LAMA4: variants seen among roughly 807,000 people sequenced by gnomAD.
LAMA4 encodes the protein laminin subunit alpha-4.
A neutral mutation model predicts 207.1 loss-of-function variants in LAMA4; 127 were observed. The observed-to-expected ratio is 0.61, with a 90% CI of 0.53 to 0.71. The LOEUF (loss-of-function observed/expected upper bound fraction) is 0.71. Among genes scored for constraint, LAMA4 ranks in the 30% least tolerant of loss-of-function variants. The probability of loss-of-function intolerance (pLI) is 0.00; values close to 1 mark genes in which losing one functional copy is unlikely to be tolerated. For missense variants in LAMA4, 2,093 were observed against 2,246.5 expected (o/e 0.93, Z 1.38); for synonymous variants, 761 against 816.0 (o/e 0.93, Z 1.15).
At position 112,117,243 on chromosome 6, in the gene LAMA4, T is replaced by C. The variant is rs1160798; in HGVS notation, c.4981+496A>G. 0.78 allele frequency among the ~76,000 whole-genome samples: 118,385 copies of C among 152,076 alleles called. 46,543 individuals carry two copies. The highest frequency in any genetic ancestry group is 0.86 in the East Asian group (4,478 of 5,180). ...ATCATCTGGCATAGGGACTGCCTTATGGGAGGCATACAATAAAAACTGAAT... is the reference window on the plus strand; with the variant it reads ...ATCATCTGGCATAGGGACTGCCTTACGGGAGGCATACAATAAAAACTGAAT... On this transcript the variant is annotated intron_variant, in intron 35 of 38. Transcript: ENST00000230538. The surrounding 1 kb of genome is among the most constrained non-coding windows in gnomAD (Gnocchi z 4.5).
intron 4 of LAMA4, among the ~76,000 whole-genome samples, chr6:112,206,719 A>G (rs1784078908): frequency 6.6e-6 from 1 of 152,226 alleles, no homozygotes; most frequent in Non-Finnish European, 1.5e-5. Context: ...GCTCTAGGTC[A>G]AGAGAAAGTC....
intron 23 of LAMA4, 76 bp from the exon 24 acceptor site, chr6:112,139,367 T>C: frequency 6.8e-7 from 1 of 1,471,120 alleles, no homozygotes; most frequent in South Asian, 1.1e-5. Context: ...TTTTAACCCA[T>C]TCTTCTAACA....
At chr6:112,125,660 TG>T (rs1310804975) in intron 31 of LAMA4, among the ~76,000 whole-genome samples, 24 of 152,342 alleles carry the variant, frequency 1.6e-4, no homozygotes, top group East Asian at 5.8e-4. Context: ...GTTACCTTTT[TG>T]GAAAGCAATT....
chr6:112,163,467 C>G (rs1354896861), intron 13 of LAMA4, among the ~76,000 whole-genome samples: 2 of 152,082 alleles, frequency 1.3e-5, no homozygotes, highest in African/African-American at 4.8e-5. Context: ...AAACCGCTAG[C>G]CAGGGTAGAG....
chr6:112,211,292 A>G (rs1469425008), intron 3 of LAMA4, among the ~76,000 whole-genome samples: 1 of 152,228 alleles, frequency 6.6e-6, no homozygotes. Context: ...AGTTTCTAGC[A>G]TAAGACAGTA....
At chr6:112,111,067 G>C (rs1289554508) in intron 38 of LAMA4, among the ~76,000 whole-genome samples, 3 of 152,120 alleles carry the variant, frequency 2.0e-5, no homozygotes, top group African/African-American at 7.2e-5. Context: ...TTGAGACAGA[G>C]TCTCACTTTG....
chr6:112,222,745 G>A (rs1198410561), intron 2 of LAMA4, among the ~76,000 whole-genome samples: 3 of 152,196 alleles, frequency 2.0e-5, no homozygotes, highest in Non-Finnish European at 2.9e-5. Context: ...TATTTGGACT[G>A]TAGATACCAA....
Position 112,150,633 on chromosome 6 carries a change from G to A in LAMA4, c.2057-6C>T. On this transcript the variant is annotated splice_region_variant and splice_polypyrimidine_tract_variant and intron_variant, in intron 16 of 38. Transcript: ENST00000230538. ...AGCCACTGCTTCATCACTGCCTGTG[G>A]AAGAGCAGCAGAAAGAAGTACTAGT... 1 of 1,604,156 alleles carries A rather than the reference G, an allele frequency of 6.2e-7. No homozygotes were observed. The highest frequency in any genetic ancestry group is 1.1e-5 in the South Asian group (1 of 90,840).
chr6:112,252,853 A>G (rs1279515431), intron 2 of LAMA4, among the ~76,000 whole-genome samples: 3 of 152,054 alleles, frequency 2.0e-5, no homozygotes, highest in Non-Finnish European at 4.4e-5. Context: ...TGGAGGCTAC[A>G]TTTTATACCA....
chr6:112,237,629 T>G (rs1341900131), intron 2 of LAMA4, among the ~76,000 whole-genome samples: 1 of 152,228 alleles, frequency 6.6e-6, no homozygotes, highest in Non-Finnish European at 1.5e-5. Flanking sequence ...TAGTAGGTTT[T>G]ATGTTGAAAG....
intron 33 of LAMA4, 128 bp downstream of exon 33, chr6:112,120,155 T>G: frequency 1.3e-6 from 1 of 755,414 alleles, no homozygotes; most frequent in Non-Finnish European, 2.1e-6. Flanking sequence ...TTTTTGAAAT[T>G]GAATTCTGAG....
At chr6:112,190,759 T>A (rs1782970502) in intron 6 of LAMA4, among the ~76,000 whole-genome samples, 1 of 152,258 alleles carries the variant, frequency 6.6e-6, no homozygotes, top group African/African-American at 2.4e-5. Flanking sequence ...GATTAAATGG[T>A]ACCCTTGACT....
chr6:112,202,512 T>C (rs1428111319), intron 4 of LAMA4, among the ~76,000 whole-genome samples: 1 of 152,114 alleles, frequency 6.6e-6, no homozygotes, highest in Non-Finnish European at 1.5e-5. Context: ...TTTGGTACTA[T>C]ACAACCAATA....
chr6:112,205,947 T>G (rs1162612914), intron 4 of LAMA4, among the ~76,000 whole-genome samples: 3 of 152,328 alleles, frequency 2.0e-5, no homozygotes, highest in African/African-American at 7.2e-5. Context: ...TGGTGACACG[T>G]GGAGGTGCTG....
intron 2 of LAMA4, among the ~76,000 whole-genome samples, chr6:112,249,439 T>C: frequency 8.9e-6 from 1 of 112,952 alleles, no homozygotes; most frequent in Admixed American, 9.8e-5. Context: ...AAGACTCTGT[T>C]TCAAAAAAAA....
chr6:112,158,540 A>ACAACCAAC (rs3833961), intron 14 of LAMA4, among the ~76,000 whole-genome samples, 192 bp downstream of exon 14: 35 of 151,366 alleles, frequency 2.3e-4, no homozygotes, highest in Admixed American at 7.2e-4. Context: ...CTCAGATGGA[A>ACAACCAAC]CAACCAACCA....
intron 4 of LAMA4, 24 bp from the exon 5 acceptor site, chr6:112,201,712 A>C (rs1554352533): frequency 6.3e-7 from 1 of 1,588,430 alleles, no homozygotes; most frequent in East Asian, 2.2e-5. Flanking sequence ...CAAATATTGG[A>C]AGTCAATTCC....
At chr6:112,234,081 G>C (rs1167987883) in intron 2 of LAMA4, 2 of 152,094 alleles carry the variant, frequency 1.3e-5, no homozygotes, top group African/African-American at 4.8e-5. Flanking sequence ...TTGAAAGTTA[G>C]GAATCTTGGA....
intron 13 of LAMA4, among the ~76,000 whole-genome samples, chr6:112,160,929 A>G (rs1391163830): frequency 2.0e-5 from 3 of 152,130 alleles, no homozygotes; most frequent in African/African-American, 4.8e-5. Flanking sequence ...AATGAGTCCA[A>G]TTTCTAAGCA....
Sources: allele counts gnomAD v4.1 joint callset (sites outside exome capture counted in the v4.1 genomes callset), GRCh38; gene constraint gnomAD v4.1.1; non-coding constraint Gnocchi (gnomAD v3.1); transcripts MANE v1.5; gene names NCBI Gene and HGNC (gene_info 2026-07-23, HGNC 2026-07-21).